The following TBC1D16 variants were observed in gnomAD, a reference collection of about 807,000 sequenced individuals.
TBC1D16 encodes the protein TBC1 domain family member 16.
TBC1D16 carries 58 observed loss-of-function variants against 74.7 expected under a neutral mutation model. The observed-to-expected ratio is 0.78, with a 90% CI of 0.63 to 0.97. The LOEUF (loss-of-function observed/expected upper bound fraction) is 0.97. Ranked by LOEUF, TBC1D16 falls within the 50% of genes least tolerant of loss-of-function variation. The pLI is 0.00. For missense variants in TBC1D16, 1,014 were observed against 1,079.5 expected (o/e 0.94, Z 0.85); for synonymous variants, 493 against 474.7 (o/e 1.04, Z -0.50).
rs1351135500 is a variant in TBC1D16 at position 79,932,661 on chromosome 17, C to G, written c.*8198G>C. 1 of 152,234 alleles carries G rather than the reference C, an allele frequency of 6.6e-6. No individual in the cohort carries two copies. Among genetic ancestry groups the G allele is most frequent in the Non-Finnish European group, 1.5e-5 (1 of 68,038 alleles). 9.4% of individuals were successfully genotyped at this position (152,234 alleles called of 1,614,324 possible). On this transcript the variant is annotated 3_prime_UTR_variant, in exon 12 of 12. Transcript: ENST00000310924. Reference sequence around the variant, plus strand: ...GTGCTTGTTCATGGCCAGGAATCAACGAACTTTGGACAGACAATCAGTAGA... The same window carrying G: ...GTGCTTGTTCATGGCCAGGAATCAAGGAACTTTGGACAGACAATCAGTAGA...
intron 1 of TBC1D16, among the ~76,000 whole-genome samples, chr17:80,034,900 T>A (rs2036904854): frequency 6.6e-6 from 1 of 152,212 alleles, no homozygotes; most frequent in African/African-American, 2.4e-5. Flanking sequence ...GATAAAAGAA[T>A]TAGGAGCCTT....
chr17:80,021,368 G>C (rs1391582307), intron 1 of TBC1D16, among the ~76,000 whole-genome samples: 3 of 149,628 alleles, frequency 2.0e-5, no homozygotes, highest in African/African-American at 7.7e-5. Flanking sequence ...GGAGGCTAAG[G>C]TGGATCACTT....
chr17:79,950,705 T>C lies in TBC1D16; in HGVS notation c.1090-127A>G. ...AGGAGGGCAAGGGCCGTCCCCTGCA[T>C]ACAAACCCCTAAATGGCGAGTGTAA... On this transcript the variant is annotated intron_variant, in intron 5 of 11. Transcript: ENST00000310924. This position sits in a 1 kb window ranked among gnomAD's most constrained non-coding sequence, Gnocchi z 4.6. 2 of 1,542,042 alleles carry C rather than the reference T, an allele frequency of 1.3e-6. No individual in the cohort carries two copies. Among genetic ancestry groups the C allele is most frequent in the Non-Finnish European group, 1.7e-6 (2 of 1,143,582 alleles).
At chr17:79,982,377 C>A (rs2034624734) in intron 3 of TBC1D16, among the ~76,000 whole-genome samples, 1 of 151,656 alleles carries the variant, frequency 6.6e-6, no homozygotes, top group African/African-American at 2.4e-5. Context: ...AACTCCTGAC[C>A]TCGTGATCCA....
Position 79,951,322 on chromosome 17 carries a change from C to A in TBC1D16, c.1089+128G>T, listed in dbSNP as rs1019336907. The A allele has an allele frequency of 1.0e-5, 12 of 1,185,722 alleles. No homozygotes were observed. The African/African-American group carries it at 1.7e-4, about 17-fold the overall frequency. 73.5% of individuals were successfully genotyped at this position (1,185,722 alleles called of 1,614,324 possible). A position where few individuals can be genotyped will look rare whatever the true frequency, so the allele number is the denominator to read the frequency against. On this transcript the variant is annotated intron_variant, in intron 5 of 11. Coordinates refer to ENST00000310924, the MANE Select transcript of TBC1D16 (RefSeq NM_019020.4). ...TTGCTGCTCTGACGGCCAAAAACTA[C>A]CGTGGGTCACACCCCGTAAGCCCCC...
chr17:79,984,544 T>C (rs898042103), intron 3 of TBC1D16, among the ~76,000 whole-genome samples: 4 of 81,260 alleles, frequency 4.9e-5, no homozygotes, highest in South Asian at 4.3e-4. Flanking sequence ...GCTACTTTTA[T>C]AATTAAAAAG....
At chr17:79,978,528 T>A (rs2034439746) in intron 3 of TBC1D16, among the ~76,000 whole-genome samples, 1 of 152,188 alleles carries the variant, frequency 6.6e-6, no homozygotes, top group Admixed American at 6.5e-5. Flanking sequence ...GGCCTTTGAG[T>A]GCTGTTTCTG....
intron 9 of TBC1D16, 53 bp from the exon 10 acceptor site, chr17:79,945,140 G>A: frequency 6.7e-7 from 1 of 1,491,286 alleles, no homozygotes; most frequent in Non-Finnish European, 9.0e-7. Context: ...GCGGCCTGCT[G>A]CCCAGGAAGC....
At chr17:79,966,862 C>T (rs1412606651) in intron 3 of TBC1D16, among the ~76,000 whole-genome samples, 1 of 152,110 alleles carries the variant, frequency 6.6e-6, no homozygotes, top group Non-Finnish European at 1.5e-5. Context: ...ACACCATGAC[C>T]AAGTGCGGTT....
At position 80,009,084 on chromosome 17, in the gene TBC1D16, C is replaced by T. The variant is rs946749085; in HGVS notation, c.779+1076G>A. Among the ~76,000 whole-genome samples, 1 of 152,220 alleles carries T rather than the reference C, an allele frequency of 6.6e-6. No homozygotes were observed. Among genetic ancestry groups the T allele is most frequent in the African/African-American group, 2.4e-5 (1 of 41,460 alleles). ...TAATAGGAGGGCCCACCTCACGGGG[C>T]GTGGGGCTGTGGAAAGCACACACGT... On this transcript the variant is annotated intron_variant, in intron 3 of 11. Transcript: ENST00000310924. The surrounding 1 kb of genome is among the most constrained non-coding windows in gnomAD (Gnocchi z 5.4).
intron 3 of TBC1D16, among the ~76,000 whole-genome samples, chr17:79,978,168 T>C (rs1161719516): frequency 6.6e-6 from 1 of 151,186 alleles, no homozygotes; most frequent in Non-Finnish European, 1.5e-5. Context: ...CCAGAGGGAC[T>C]GGGAGCAGCA....
In TBC1D16 at chr17:79,980,136, G is replaced by A. The variant is rs1038052356; in HGVS notation, c.780-27318C>T. 6.6e-6 allele frequency among the ~76,000 whole-genome samples: 1 copy of A among 152,172 alleles called. No homozygotes were observed. The highest frequency in any genetic ancestry group is 2.1e-4 in the South Asian group (1 of 4,826). Reference sequence around the variant, plus strand: ...CGCATCCCACTGCTCTGCAGAAACAGAATAATCACCACCCAGGCTGGTGGC... The same window carrying A: ...CGCATCCCACTGCTCTGCAGAAACAAAATAATCACCACCCAGGCTGGTGGC... On this transcript the variant is annotated intron_variant, in intron 3 of 11. Coordinates refer to ENST00000310924, the MANE Select transcript of TBC1D16 (RefSeq NM_019020.4). This position sits in a 1 kb window ranked among gnomAD's most constrained non-coding sequence, Gnocchi z 7.0.
intron 3 of TBC1D16, among the ~76,000 whole-genome samples, chr17:79,964,219 C>T (rs1306695923): frequency 2.6e-5 from 4 of 152,218 alleles, no homozygotes; most frequent in East Asian, 1.9e-4. Flanking sequence ...CAGGTGATTT[C>T]GCCTGCCTCA....
chr17:79,970,717 G>A (rs1263989673), intron 3 of TBC1D16, among the ~76,000 whole-genome samples: 1 of 152,186 alleles, frequency 6.6e-6, no homozygotes, highest in African/African-American at 2.4e-5. Context: ...CTCTAGAGAG[G>A]TGGACCTGGG....
chr17:80,001,444 C>T lies in TBC1D16; in HGVS notation c.779+8716G>A, dbSNP rs563310647. Reference sequence around the variant, plus strand: ...AGCACAAACAAACCCAAACAACAGACCTTCAGGAGCTGCTGGCTTCCCGGC... The same window carrying T: ...AGCACAAACAAACCCAAACAACAGATCTTCAGGAGCTGCTGGCTTCCCGGC... On this transcript the variant is annotated intron_variant, in intron 3 of 11. Transcript: ENST00000310924. The surrounding 1 kb of genome is among the most constrained non-coding windows in gnomAD (Gnocchi z 5.8). Among the ~76,000 whole-genome samples, 1 of 152,326 alleles carries T rather than the reference C, an allele frequency of 6.6e-6. No individual in the cohort carries two copies. The highest frequency in any genetic ancestry group is 1.9e-4 in the East Asian group (1 of 5,170).
chr17:79,952,498 T>C (rs875731), intron 4 of TBC1D16, among the ~76,000 whole-genome samples, 159 bp downstream of exon 4: 44,099 of 152,214 alleles, frequency 0.29, 6,720 homozygotes, highest in Non-Finnish European at 0.34. Flanking sequence ...GGGGAATCAC[T>C]GCCCACAAGA....
At position 79,987,895 on chromosome 17, in the gene TBC1D16, G is replaced by A. The variant is rs961913854; in HGVS notation, c.779+22265C>T. 2.6e-5 allele frequency among the ~76,000 whole-genome samples: 4 copies of A among 152,026 alleles called. No homozygotes were observed. The highest frequency in any genetic ancestry group is 2.1e-4 in the South Asian group (1 of 4,826). On this transcript the variant is annotated intron_variant, in intron 3 of 11. Transcript: ENST00000310924. The surrounding 1 kb of genome is among the most constrained non-coding windows in gnomAD (Gnocchi z 5.2). ...GCTGGGTGGGGGCGGGGTGCTGGGA[G>A]ATGCAGAGGCTCAGAAAAACCCTCC...
At chr17:80,025,115 C>CATACCATGACA (rs1378974240) in intron 1 of TBC1D16, among the ~76,000 whole-genome samples, 1 of 81,804 alleles carries the variant, frequency 1.2e-5, no homozygotes, top group Non-Finnish European at 2.4e-5. Context: ...CACACAAACA[C>CATACCATGACA]CACAGACACA....
chr17:79,949,130 T>G (rs1039326942), intron 7 of TBC1D16, 124 bp from the exon 8 acceptor site: 4 of 1,286,116 alleles, frequency 3.1e-6, no homozygotes, highest in South Asian at 1.3e-5. Flanking sequence ...GCTGGGCGGC[T>G]GCTGCCGGCT....
Sources: gnomAD v4.1 joint callset for allele counts (sites outside exome capture counted in the v4.1 genomes callset) on GRCh38, gnomAD v4.1.1 for gene constraint, Gnocchi (gnomAD v3.1) non-coding constraint, MANE v1.5 for transcripts, NCBI Gene and HGNC (gene_info 2026-07-23, HGNC 2026-07-21) for gene names.